Variants in ZC3H6 observed in about 807,000 individuals in gnomAD.
The protein encoded by ZC3H6 is zinc finger CCCH-type containing 6.
Under a neutral mutation model 107.7 loss-of-function variants are expected in ZC3H6, and 40 were observed. That is an observed-to-expected ratio of 0.37 (90% CI 0.29 to 0.48). ZC3H6 has a LOEUF of 0.48. Ranked by LOEUF, ZC3H6 falls within the 20% of genes least tolerant of loss-of-function variation. The pLI is 0.98. For synonymous variants in ZC3H6, 493 were observed against 487.9 expected (o/e 1.01, Z -0.14); for missense variants, 1,267 against 1,410.4 (o/e 0.90, Z 1.63).
At position 112,323,029 on chromosome 2, in the gene ZC3H6, A is replaced by G. The variant is rs141718463; in HGVS notation, c.1340+127A>G. ...TAGAGATAGCACATATCTGGCATGC[A>G]CGCAGATTGTTGCTTCCACCTTTGT... On this transcript the variant is annotated intron_variant, in intron 9 of 11. Coordinates refer to ENST00000409871, the MANE Select transcript of ZC3H6 (RefSeq NM_198581.3). 1,777 of 1,017,602 alleles carry G rather than the reference A, an allele frequency of 1.7e-3. 2 individuals are homozygous for G. Among genetic ancestry groups the G allele is most frequent in the Admixed American group, 4.2e-3 (150 of 35,540 alleles). The allele number at this position is 1,017,602 out of a possible 1,614,324, so 63.0% of individuals were successfully genotyped here.
Position 112,324,394 on chromosome 2 carries a change from C to A in ZC3H6, c.1583C>A (p.Pro528His). 6.2e-7 allele frequency: 1 copy of A among 1,613,982 alleles called. No individual in the cohort carries two copies. Among genetic ancestry groups the A allele is most frequent in the Non-Finnish European group, 8.5e-7 (1 of 1,179,872 alleles). Residue 528 changes from proline to histidine, a missense_variant, in exon 10 of 12, where the codon CCT (proline) becomes CAT (histidine). Pro to His is a moderately conservative substitution (Grantham distance 77, BLOSUM62 -2). Transcript: ENST00000409871. ...CCTGGTCCACCTGAAATTGTAGGTC[C>A]TCAAAATCAAGCTGGAGTGCTTGTT... ...LPPGPPEIVG[P>H]QNQAGVLVQP...
chr2:112,324,758 C>T, intron 10 of ZC3H6, 95 bp downstream of exon 10: 1 of 1,299,392 alleles, frequency 7.7e-7, no homozygotes, highest in South Asian at 1.6e-5. Context: ...TTAAGTAAAG[C>T]TGAGTAAAAT....
chr2:112,306,384 G>A (rs1676477413), intron 3 of ZC3H6, among the ~76,000 whole-genome samples: 1 of 152,074 alleles, frequency 6.6e-6, no homozygotes, highest in South Asian at 2.1e-4. Context: ...TGTTGGCCAG[G>A]CTGGTCTCAA....
At chr2:112,316,980 T>A (rs1035912563) in intron 6 of ZC3H6, among the ~76,000 whole-genome samples, 2 of 152,190 alleles carry the variant, frequency 1.3e-5, no homozygotes, top group Admixed American at 6.5e-5. Context: ...GGTTGCCAAT[T>A]CAGGCAGTAT....
intron 8 of ZC3H6, among the ~76,000 whole-genome samples, chr2:112,322,141 CTCCTTCCT>C (rs557338263): frequency 2.7e-4 from 40 of 146,060 alleles, no homozygotes; most frequent in African/African-American, 9.7e-4. Flanking sequence ...CCCTCCTTCC[CTCCTTCCT>C]TCCTCCCTCC....
In ZC3H6 at chr2:112,336,968, C is replaced by T. The variant is rs994673720; in HGVS notation, c.*4480C>T. On this transcript the variant is annotated 3_prime_UTR_variant, in exon 12 of 12. Transcript: ENST00000409871. The stretch of plus-strand genomic sequence containing the variant: ...CTGCTTGTTGATGGCTTCCTGACAT[C>T]CATCCAAATGTCACTTTTACAGATG... The T allele has an allele frequency of 6.6e-6, 1 of 152,150 alleles. No individual in the cohort carries two copies. Among genetic ancestry groups the T allele is most frequent in the African/African-American group, 2.4e-5 (1 of 41,438 alleles). 9.4% of individuals were successfully genotyped at this position (152,150 alleles called of 1,614,324 possible).
rs1336662780 is a variant in ZC3H6 at position 112,336,740 on chromosome 2, T to G, written c.*4252T>G. The G allele has an allele frequency of 6.6e-6, 1 of 152,170 alleles. No individual in the cohort carries two copies. Among genetic ancestry groups the G allele is most frequent in the African/African-American group, 2.4e-5 (1 of 41,450 alleles). 9.4% of individuals were successfully genotyped at this position (152,170 alleles called of 1,614,324 possible). ...TGTGACAAAGCCCTCCCTATTATCC[T>G]GCCTTTCCTGGAAAGGATACAGACC... On this transcript the variant is annotated 3_prime_UTR_variant, in exon 12 of 12. Coordinates refer to ENST00000409871, the MANE Select transcript of ZC3H6 (RefSeq NM_198581.3).
At chr2:112,309,014 T>C (rs1676544333) in intron 3 of ZC3H6, among the ~76,000 whole-genome samples, 1 of 151,976 alleles carries the variant, frequency 6.6e-6, no homozygotes, top group South Asian at 2.1e-4. Context: ...ATCATGCCAC[T>C]GCACTCCAGC....
intron 11 of ZC3H6, among the ~76,000 whole-genome samples, chr2:112,326,619 T>G (rs1676910338): frequency 6.6e-6 from 1 of 152,092 alleles, no homozygotes; most frequent in African/African-American, 2.4e-5. Context: ...GTTTTTTGTT[T>G]TGTTTTGTTT....
chr2:112,296,882 A>G (rs1465394051), intron 1 of ZC3H6, among the ~76,000 whole-genome samples: 1 of 152,230 alleles, frequency 6.6e-6, no homozygotes, highest in African/African-American at 2.4e-5. Context: ...TGATAAGAGA[A>G]ATGAGAACTA....
At chr2:112,289,364 G>C (rs1227895591) in intron 1 of ZC3H6, among the ~76,000 whole-genome samples, 1 of 136,116 alleles carries the variant, frequency 7.3e-6, no homozygotes. Context: ...TGTTCTTGTC[G>C]CCCAGGCTGG....
rs1430005752 is a variant in ZC3H6, at chr2:112,306,453, G to A, written c.336+3102G>A. ...CTCCCAAAGTGCTGGGATTATAGGCGTGAGCCACCGTGCACGGCCTGAAGT... is the reference window on the plus strand; with the variant it reads ...CTCCCAAAGTGCTGGGATTATAGGCATGAGCCACCGTGCACGGCCTGAAGT... On this transcript the variant is annotated intron_variant, in intron 3 of 11. Coordinates refer to ENST00000409871, the MANE Select transcript of ZC3H6 (RefSeq NM_198581.3). Among the ~76,000 whole-genome samples, 5 of 152,134 alleles carry A rather than the reference G, an allele frequency of 3.3e-5. No individual in the cohort carries two copies. In the East Asian group the frequency reaches 7.7e-4, roughly 23 times the overall value.
Position 112,331,386 on chromosome 2 carries a change from A to T in ZC3H6, c.2468A>T (p.Asp823Val), listed in dbSNP as rs747895519. 3 of 1,613,766 alleles carry T rather than the reference A, an allele frequency of 1.9e-6. No individual in the cohort carries two copies. The East Asian group carries it at 6.7e-5, about 36-fold the overall frequency. ...AATGTCAAACACAAAAGAGGCGATG[A>T]TGATGATGAAGATACAGAAAGAGAA... ...GTNVKHKRGD[D>V]DDEDTERELR... The change falls in exon 12 of 12, where the codon GAT becomes GTT. Residue 823 changes from aspartate to valine, a missense_variant. Coordinates refer to ENST00000409871, the MANE Select transcript of ZC3H6 (RefSeq NM_198581.3).
chr2:112,299,242 A>G (rs532949478), intron 1 of ZC3H6, among the ~76,000 whole-genome samples: 1 of 148,598 alleles, frequency 6.7e-6, no homozygotes, highest in African/African-American at 2.5e-5. Flanking sequence ...GTGCCACTGC[A>G]CTCCAGCCTG....
chr2:112,321,411 A>T (rs1241059267), intron 7 of ZC3H6, among the ~76,000 whole-genome samples: 2 of 152,016 alleles, frequency 1.3e-5, no homozygotes, highest in African/African-American at 4.8e-5. Context: ...TTAATAGAGA[A>T]AAAAGCTGTT....
intron 1 of ZC3H6, among the ~76,000 whole-genome samples, chr2:112,296,305 T>C (rs1029516482): frequency 2.0e-5 from 3 of 152,162 alleles, no homozygotes; most frequent in African/African-American, 7.2e-5. Flanking sequence ...GTCTTGTGTC[T>C]GGCTTCTTTC....
chr2:112,315,940 A>G (rs1257742223), intron 5 of ZC3H6, among the ~76,000 whole-genome samples: 1 of 152,176 alleles, frequency 6.6e-6, no homozygotes, highest in Non-Finnish European at 1.5e-5. Flanking sequence ...ATAATATTCT[A>G]CCACCTAAGT....
chr2:112,287,219 A>G (rs1157335476), intron 1 of ZC3H6, among the ~76,000 whole-genome samples: 4 of 152,144 alleles, frequency 2.6e-5, no homozygotes, highest in Admixed American at 1.3e-4. Flanking sequence ...TGGAATTTCT[A>G]GTTCCCCAGT....
At chr2:112,312,868 A>AT (rs1676619139) in intron 5 of ZC3H6, among the ~76,000 whole-genome samples, 2 of 151,654 alleles carry the variant, frequency 1.3e-5, no homozygotes, top group African/African-American at 2.4e-5. Context: ...TCAAAATAAA[A>AT]AAAAAAAAAA....
Sources: gnomAD v4.1 joint callset for allele counts (sites outside exome capture counted in the v4.1 genomes callset) on GRCh38, gnomAD v4.1.1 for gene constraint, MANE v1.5 for transcripts, NCBI Gene and HGNC (gene_info 2026-07-23, HGNC 2026-07-21) for gene names.